CLEC16A: variants seen among roughly 807,000 people sequenced by gnomAD.
The protein encoded by CLEC16A is C-type lectin domain containing 16A.
CLEC16A carries 51 observed loss-of-function variants against 109.5 expected under a neutral mutation model. The observed-to-expected ratio is 0.47, with a 90% CI of 0.37 to 0.59. The LOEUF (loss-of-function observed/expected upper bound fraction) is 0.59. CLEC16A is among the 20% of genes least tolerant of loss of function. The probability of loss-of-function intolerance (pLI) is 0.00; values close to 1 mark genes in which losing one functional copy is unlikely to be tolerated. For missense variants in CLEC16A, 1,339 were observed against 1,394.0 expected (o/e 0.96, Z 0.63); for synonymous variants, 673 against 564.2 (o/e 1.19, Z -2.73).
At chr16:11,023,718 T>TC (rs2046252789) in intron 12 of CLEC16A, among the ~76,000 whole-genome samples, 1 of 152,220 alleles carries the variant, frequency 6.6e-6, no homozygotes, top group South Asian at 2.1e-4. Flanking sequence ...ACTCCCTGTT[T>TC]CTCCCCAGTC....
chr16:10,989,366 A>G (rs772972444), intron 10 of CLEC16A, among the ~76,000 whole-genome samples: 2 of 152,130 alleles, frequency 1.3e-5, no homozygotes, highest in Non-Finnish European at 2.9e-5. Context: ...GACTAAAGGC[A>G]CATGCCACCA....
intron 22 of CLEC16A, among the ~76,000 whole-genome samples, chr16:11,159,630 C>G (rs79581585): frequency 0.013 from 1,952 of 152,352 alleles, 46 homozygotes; most frequent in African/African-American, 0.045. Flanking sequence ...AGTTGTGTCT[C>G]CCATTAAGCT....
intron 23 of CLEC16A, among the ~76,000 whole-genome samples, chr16:11,172,779 C>G (rs750562388): frequency 1.3e-5 from 2 of 152,060 alleles, no homozygotes; most frequent in East Asian, 1.9e-4. Flanking sequence ...ATCCCAGCTA[C>G]TCGGGAGGCT....
chr16:11,001,470 A>C (rs571093716), intron 10 of CLEC16A, among the ~76,000 whole-genome samples: 178 of 152,254 alleles, frequency 1.2e-3, no homozygotes, highest in African/African-American at 4.1e-3. Context: ...GAGCTTTGGA[A>C]TTGGCAAGCC....
chr16:10,977,995 C>A (rs555108100), intron 8 of CLEC16A, among the ~76,000 whole-genome samples: 1 of 152,198 alleles, frequency 6.6e-6, no homozygotes, highest in African/African-American at 2.4e-5. Context: ...TTCTGTGCAT[C>A]CTTCCCTGAA....
At chr16:11,171,239 G>A (rs1051830727) in intron 23 of CLEC16A, among the ~76,000 whole-genome samples, 1 of 152,228 alleles carries the variant, frequency 6.6e-6, no homozygotes, top group African/African-American at 2.4e-5. Flanking sequence ...ACAGCCCCGA[G>A]GGGTCACTGA....
intron 10 of CLEC16A, among the ~76,000 whole-genome samples, chr16:10,989,875 G>A (rs2043897633): frequency 6.6e-6 from 1 of 152,176 alleles, no homozygotes; most frequent in African/African-American, 2.4e-5. Flanking sequence ...GCTGCTGCAG[G>A]GCTTTCTTTA....
At chr16:11,035,014 C>G (rs1049547283) in intron 13 of CLEC16A, among the ~76,000 whole-genome samples, 1 of 152,116 alleles carries the variant, frequency 6.6e-6, no homozygotes, top group African/African-American at 2.4e-5. Context: ...GTGACATTGA[C>G]CTTAGCCACT....
chr16:11,175,194 G>A (rs1164455919), intron 23 of CLEC16A, among the ~76,000 whole-genome samples: 2 of 152,172 alleles, frequency 1.3e-5, no homozygotes, highest in East Asian at 3.8e-4. Flanking sequence ...CCCACCCTAG[G>A]CCTGCAGATC....
At chr16:11,017,806 A>T (rs548754090) in intron 11 of CLEC16A, among the ~76,000 whole-genome samples, 3 of 152,142 alleles carry the variant, frequency 2.0e-5, no homozygotes, top group Non-Finnish European at 4.4e-5. Flanking sequence ...AGAATGCCTG[A>T]CCAGTACTCC....
chr16:11,017,010 GGT>G (rs2045798697), intron 11 of CLEC16A, among the ~76,000 whole-genome samples: 1 of 111,990 alleles, frequency 8.9e-6, no homozygotes, highest in African/African-American at 3.3e-5. Context: ...CGGGGGGGGG[GGT>G]GCTCCTCCAT....
chr16:11,095,216 C>G (rs1317877830), intron 19 of CLEC16A, among the ~76,000 whole-genome samples: 1 of 151,912 alleles, frequency 6.6e-6, no homozygotes, highest in East Asian at 1.9e-4. Flanking sequence ...GAAAGCCTGC[C>G]TTTTCTAGGT....
intron 18 of CLEC16A, chr16:11,056,789 A>C (rs2048234501): frequency 6.6e-6 from 1 of 152,256 alleles, no homozygotes; most frequent in Admixed American, 6.5e-5. Context: ...ACCCTAAACA[A>C]ACAATACTTA....
chr16:11,156,774 A>T, intron 22 of CLEC16A: 1 of 809,690 alleles, frequency 1.2e-6, no homozygotes, highest in South Asian at 1.5e-5. Context: ...AGTTCTAGAA[A>T]TCCAAAGCAA....
intron 10 of CLEC16A, among the ~76,000 whole-genome samples, chr16:10,994,735 A>G (rs1264310962): frequency 6.6e-6 from 1 of 152,148 alleles, no homozygotes; most frequent in Non-Finnish European, 1.5e-5. Context: ...CACATTATAG[A>G]CAACCATATA....
At chr16:11,084,120 G>C (rs937696316) in intron 19 of CLEC16A, among the ~76,000 whole-genome samples, 1 of 151,916 alleles carries the variant, frequency 6.6e-6, no homozygotes, top group Non-Finnish European at 1.5e-5. Context: ...TCCCCTGCTT[G>C]CTGAGTGTGT....
rs542662739 is a variant in CLEC16A at position 10,958,948 on chromosome 16, A to T, written c.209+1038A>T. On this transcript the variant is annotated intron_variant, in intron 2 of 23. Transcript: ENST00000409790. ...CTGTTAACTGTGAACTACCTCCCTA[A>T]TAGATCTGCCTTGATGTCTTAGTGC... is the stretch of plus-strand genomic sequence containing the variant. Among the ~76,000 whole-genome samples, 10 of 152,058 alleles carry T rather than the reference A, an allele frequency of 6.6e-5. No individual in the cohort carries two copies. The East Asian group carries it at 1.2e-3, about 18-fold the overall frequency.
At chr16:11,027,006 A>G in intron 13 of CLEC16A, 2 of 1,564,262 alleles carry the variant, frequency 1.3e-6, no homozygotes, top group Admixed American at 1.7e-5. Context: ...CATGATCAGT[A>G]GCTGCACCAC....
intron 19 of CLEC16A, among the ~76,000 whole-genome samples, chr16:11,088,940 A>G (rs933535308): frequency 6.6e-6 from 1 of 152,206 alleles, no homozygotes; most frequent in Admixed American, 6.5e-5. Flanking sequence ...TGCAGTTTGT[A>G]GAGTAAAAAG....
Sources: allele counts gnomAD v4.1 joint callset (sites outside exome capture counted in the v4.1 genomes callset), GRCh38; gene constraint gnomAD v4.1.1; transcripts MANE v1.5; gene names NCBI Gene and HGNC (gene_info 2026-07-23, HGNC 2026-07-21).